The following APOBEC1 variants were observed in gnomAD, a reference collection of about 807,000 sequenced individuals.
APOBEC1 encodes the protein apolipoprotein B mRNA editing enzyme catalytic subunit 1, also known as C->U-editing enzyme APOBEC-1.
A neutral mutation model predicts 26.3 loss-of-function variants in APOBEC1; 22 were observed. The ratio of observed to expected loss-of-function variants is 0.84; its 90% CI spans 0.60 to 1.19. The LOEUF (loss-of-function observed/expected upper bound fraction) is 1.19. Ranked by LOEUF, APOBEC1 falls within the 50% of genes most tolerant of loss-of-function variation. APOBEC1 has a pLI of 0.00. For synonymous variants in APOBEC1, 77 were observed against 95.3 expected (o/e 0.81, Z 1.12); for missense variants, 253 against 289.0 (o/e 0.88, Z 0.90).
chr12:7,664,597 TCTC>T (rs1473187344), intron 1 of APOBEC1, among the ~76,000 whole-genome samples: 1 of 152,170 alleles, frequency 6.6e-6, no homozygotes, highest in Admixed American at 6.6e-5. Flanking sequence ...CAACCTGGAA[TCTC>T]CTCTTCTTTG....
chr12:7,667,446 T>G (rs543741753), upstream of APOBEC1, among the ~76,000 whole-genome samples: 14 of 152,130 alleles, frequency 9.2e-5, no homozygotes, highest in Non-Finnish European at 2.1e-4. Flanking sequence ...GAATCCTACA[T>G]ACAAGACTTT....
intron 1 of APOBEC1, 81 bp downstream of exon 1, chr12:7,665,752 GACACACACACACACACACACACAC>G (rs60124402): frequency 4.6e-5 from 36 of 775,614 alleles, no homozygotes; most frequent in East Asian, 1.4e-4. Context: ...GAATCAGCAG[GACACACACACACACACACACACAC>G]ACACACACAC....
chr12:7,665,926 C>A (rs1863887558), upstream of APOBEC1: 3 of 1,610,716 alleles, frequency 1.9e-6, no homozygotes, highest in Admixed American at 1.7e-5. Context: ...GCTGATTGTT[C>A]CTGGACTTTG....
chr12:7,657,827 G>A (rs1231313198), intron 1 of APOBEC1, among the ~76,000 whole-genome samples: 1 of 152,102 alleles, frequency 6.6e-6, no homozygotes, highest in Non-Finnish European at 1.5e-5. Context: ...AGTGAGCCAT[G>A]AGCATGCCAC....
intron 1 of APOBEC1, among the ~76,000 whole-genome samples, chr12:7,662,847 G>T (rs1243449235): frequency 6.6e-6 from 1 of 152,172 alleles, no homozygotes; most frequent in African/African-American, 2.4e-5. Flanking sequence ...CAGCTTGGCT[G>T]GGTCGGAGTG....
Position 7,651,051 on chromosome 12 carries a change from TACA to T in APOBEC1, c.530_532del (p.Leu177del), listed in dbSNP as rs1210754715. ...AATTATGCAGTGCAGCTCCAGTGCG[TACA>T]ACATCATCCACAGAGGTGGGTATTG... On this transcript the variant is annotated inframe_deletion, in exon 4 of 5. Coordinates refer to ENST00000229304, the MANE Select transcript of APOBEC1 (RefSeq NM_001644.5). 4.3e-6 allele frequency: 7 copies of T among 1,613,986 alleles called. No individual in the cohort carries two copies. The highest frequency in any genetic ancestry group is 1.1e-5 in the South Asian group (1 of 91,082).
chr12:7,660,395 A>AGAAC (rs1565442469), intron 1 of APOBEC1, among the ~76,000 whole-genome samples: 2 of 49,408 alleles, frequency 4.0e-5, no homozygotes, highest in African/African-American at 9.2e-5. Context: ...AAAGAAAGAA[A>AGAAC]GAAAGAAAGA....
upstream of APOBEC1, among the ~76,000 whole-genome samples, chr12:7,669,611 GC>G (rs1246730689): frequency 2.0e-5 from 3 of 151,966 alleles, no homozygotes; most frequent in Non-Finnish European, 2.9e-5. Context: ...TCACTATATT[GC>G]CCAAGTTGGT....
chr12:7,661,881 G>C (rs984728860), intron 1 of APOBEC1, among the ~76,000 whole-genome samples: 1 of 152,202 alleles, frequency 6.6e-6, no homozygotes, highest in Admixed American at 6.5e-5. Flanking sequence ...ATGTGGAAAT[G>C]AGCAGTCATC....
intron 1 of APOBEC1, among the ~76,000 whole-genome samples, chr12:7,656,140 A>AT (rs909397432): frequency 6.2e-4 from 91 of 147,548 alleles, no homozygotes; most frequent in African/African-American, 1.6e-3. Context: ...CCTAGGCCAA[A>AT]TTTTTTTTTT....
intron 1 of APOBEC1, among the ~76,000 whole-genome samples, chr12:7,663,329 T>C (rs1592063636): frequency 2.6e-5 from 4 of 152,190 alleles, no homozygotes; most frequent in Admixed American, 2.6e-4. Flanking sequence ...TGGTTCTAGC[T>C]GGGGAGAAGA....
At chr12:7,658,747 G>A (rs1377844935) in intron 1 of APOBEC1, among the ~76,000 whole-genome samples, 1 of 151,962 alleles carries the variant, frequency 6.6e-6, no homozygotes, top group African/African-American at 2.4e-5. Flanking sequence ...TAGGTCAGGA[G>A]TTTGAGACCA....
At chr12:7,654,714 C>T (rs1277428923) in intron 1 of APOBEC1, 82 bp from the exon 2 acceptor site, 2 of 1,282,472 alleles carry the variant, frequency 1.6e-6, no homozygotes, top group Non-Finnish European at 2.3e-6. Context: ...TTATTCCAAA[C>T]CTCCAAATCA....
In APOBEC1 at chr12:7,654,534, C is replaced by T. The variant is rs1048846866; in HGVS notation, c.44+71G>A. The T allele has an allele frequency of 2.0e-6, 3 of 1,482,540 alleles. No individual in the cohort carries two copies. In the African/African-American group the frequency reaches 4.1e-5, roughly 20 times the overall value. 91.8% of individuals were successfully genotyped at this position (1,482,540 alleles called of 1,614,324 possible). A position where few individuals can be genotyped will look rare whatever the true frequency, so the allele number is the denominator to read the frequency against. ...CTGGGATTATAGGCGCATGTGCCAC[C>T]ATGCACAGCTCTTAAATACCCATTG... On this transcript the variant is annotated intron_variant, in intron 2 of 4. Transcript: ENST00000229304.
chr12:7,658,406 G>A (rs759180326), intron 1 of APOBEC1, among the ~76,000 whole-genome samples: 2 of 152,148 alleles, frequency 1.3e-5, no homozygotes, highest in African/African-American at 4.8e-5. Context: ...GATTAAATAG[G>A]TGTTGGAGTC....
chr12:7,656,701 C>T (rs1239160840), intron 1 of APOBEC1, among the ~76,000 whole-genome samples: 1 of 152,164 alleles, frequency 6.6e-6, no homozygotes, highest in Non-Finnish European at 1.5e-5. Context: ...AATGTAGACC[C>T]TAAGATTGCC....
chr12:7,655,705 G>T (rs61937005), intron 1 of APOBEC1, among the ~76,000 whole-genome samples: 29,253 of 151,694 alleles, frequency 0.19, 2,963 homozygotes, highest in South Asian at 0.28. Flanking sequence ...TATATATATA[G>T]AGAGAGAGTG....
chr12:7,666,782 G>C (rs1399782137), upstream of APOBEC1, among the ~76,000 whole-genome samples: 1 of 152,164 alleles, frequency 6.6e-6, no homozygotes, highest in African/African-American at 2.4e-5. Context: ...GTGTTGGAGA[G>C]GGGAGGGGAG....
At chr12:7,654,279 T>C (rs1220971953) in intron 2 of APOBEC1, among the ~76,000 whole-genome samples, 1 of 145,936 alleles carries the variant, frequency 6.9e-6, no homozygotes, top group Non-Finnish European at 1.5e-5. Flanking sequence ...ACAATAACCA[T>C]AGAAAATGAA....
Sources: gnomAD v4.1 joint callset for allele counts (sites outside exome capture counted in the v4.1 genomes callset) on GRCh38, gnomAD v4.1.1 for gene constraint, MANE v1.5 for transcripts, NCBI Gene and HGNC (gene_info 2026-07-23, HGNC 2026-07-21) for gene names.